The following TEX9 variants were observed in gnomAD, a reference collection of about 807,000 sequenced individuals.
TEX9 encodes the protein testis-expressed protein 9.
Under a neutral mutation model 59.6 loss-of-function variants are expected in TEX9, and 74 were observed. The observed-to-expected ratio is 1.24, with a 90% confidence interval of 1.03 to 1.51. The LOEUF is 1.51. Among genes scored for constraint, TEX9 ranks in the 40% most tolerant of loss-of-function variants. The probability of loss-of-function intolerance (pLI) is 0.00; values close to 1 mark genes in which losing one functional copy is unlikely to be tolerated. For synonymous variants in TEX9, 186 were observed against 152.2 expected, an observed-to-expected ratio of 1.22 and a Z score of -1.64; for missense variants, 522 against 447.8, an observed-to-expected ratio of 1.17 and a Z score of -1.49.
At position 56,309,955 on chromosome 15, in the gene TEX9, G is replaced by C. The variant is rs1596079130; in HGVS notation, c.-106-63486G>C. ...AGGTTGGTCCATGTGAAACCCATCT[G>C]GGTAACTGGCATTTATCAAACTTAG... is the stretch of plus-strand genomic sequence containing the variant. On this transcript the variant is annotated intron_variant, in intron 1 of 5. Coordinates refer to the TEX9 transcript ENST00000560827. Among the ~76,000 whole-genome samples the C allele has an allele frequency of 2.6e-5, 4 of 152,118 alleles. No homozygotes were observed. The South Asian group carries it at 6.2e-4, about 24-fold the overall frequency.
At chr15:56,342,098 T>C (rs1383402772) in intron 1 of TEX9, among the ~76,000 whole-genome samples, 5 of 152,162 alleles carry the variant, frequency 3.3e-5, no homozygotes, top group Admixed American at 3.3e-4. Context: ...AGTTCAGACA[T>C]GACCATCCAA....
At chr15:56,386,675 A>G (rs1397208745) in intron 4 of TEX9, among the ~76,000 whole-genome samples, 2 of 152,008 alleles carry the variant, frequency 1.3e-5, no homozygotes, top group African/African-American at 4.8e-5. Context: ...TGAAAAATAG[A>G]TATTTAAGTT....
chr15:56,393,991 G>A lies in TEX9; in HGVS notation c.572-174G>A, dbSNP rs1161705977. ...TTCTTTCTGTTGAGTGGATTTATTC[G>A]TCATTGACCTTTTCATTAGGACTGT... On this transcript the variant is annotated intron_variant, in intron 7 of 12. Coordinates refer to ENST00000352903, the Ensembl canonical transcript of TEX9. 1.0e-4 allele frequency: 47 copies of A among 460,630 alleles called. No individual in the cohort carries two copies. The Admixed American group carries it at 1.9e-3, about 19-fold the overall frequency. 28.5% of individuals were successfully genotyped at this position (460,630 alleles called of 1,614,324 possible). A position where few individuals can be genotyped will look rare whatever the true frequency, so the allele number is the denominator to read the frequency against.
intron 4 of TEX9, among the ~76,000 whole-genome samples, chr15:56,388,123 G>C (rs17819438): frequency 1.3e-5 from 2 of 151,682 alleles, no homozygotes; most frequent in East Asian, 3.9e-4. Context: ...CAGTAACATT[G>C]AGTGGGCTTA....
At chr15:56,266,849 G>A (rs934858038) in intron 1 of TEX9, among the ~76,000 whole-genome samples, 7 of 152,148 alleles carry the variant, frequency 4.6e-5, no homozygotes, top group Admixed American at 6.5e-5. Flanking sequence ...CCCAGTAATG[G>A]ATGGCTGGGT....
intron 1 of TEX9, among the ~76,000 whole-genome samples, chr15:56,351,153 T>C (rs1234245801): frequency 1.3e-5 from 2 of 152,206 alleles, no homozygotes; most frequent in African/African-American, 4.8e-5. Flanking sequence ...CCCGATTTTG[T>C]GTACCTTTCT....
intron 3 of TEX9, among the ~76,000 whole-genome samples, chr15:56,375,885 G>A (rs1392805874): frequency 1.3e-5 from 2 of 151,250 alleles, no homozygotes; most frequent in Non-Finnish European, 2.9e-5. Flanking sequence ...GGAATACTAT[G>A]CAGCCATAAA....
intron 3 of TEX9, among the ~76,000 whole-genome samples, chr15:56,374,884 A>G (rs939316463): frequency 6.6e-6 from 1 of 152,096 alleles, no homozygotes; most frequent in African/African-American, 2.4e-5. Flanking sequence ...GGGCCTCATT[A>G]TTTTTTATGG....
intron 1 of TEX9, among the ~76,000 whole-genome samples, chr15:56,342,922 A>G (rs1362410697): frequency 6.6e-6 from 1 of 152,158 alleles, no homozygotes; most frequent in Non-Finnish European, 1.5e-5. Context: ...GAGAACATTA[A>G]TCATAGCTCT....
chr15:56,252,652 G>A (rs2141302815), intron 1 of TEX9, among the ~76,000 whole-genome samples: 1 of 152,230 alleles, frequency 6.6e-6, no homozygotes, highest in Non-Finnish European at 1.5e-5. Context: ...AGAGTCTGCT[G>A]CGTGCTTCCT....
At chr15:56,332,888 G>A (rs1299239794) in intron 1 of TEX9, among the ~76,000 whole-genome samples, 1 of 152,060 alleles carries the variant, frequency 6.6e-6, no homozygotes, top group African/African-American at 2.4e-5. Flanking sequence ...ACTACCATGA[G>A]CAACTATATG....
chr15:56,433,679 G>A (rs2050662935), intron 12 of TEX9, among the ~76,000 whole-genome samples: 2 of 151,954 alleles, frequency 1.3e-5, no homozygotes, highest in South Asian at 2.1e-4. Context: ...CACTTGAATC[G>A]TCTTTCAAAG....
intron 1 of TEX9, among the ~76,000 whole-genome samples, chr15:56,276,689 A>C (rs2141428784): frequency 6.6e-6 from 1 of 152,262 alleles, no homozygotes; most frequent in South Asian, 2.1e-4. Flanking sequence ...TTGAGTATAT[A>C]CCCAATAATG....
At chr15:56,354,811 A>C (rs1452718322) in intron 1 of TEX9, among the ~76,000 whole-genome samples, 1 of 152,206 alleles carries the variant, frequency 6.6e-6, no homozygotes, top group Non-Finnish European at 1.5e-5. Context: ...CTTTTAATAA[A>C]GACTGAACAA....
rs566284537 is a variant in TEX9 at position 56,377,030 on chromosome 15, T to C, written c.183+3526T>C. Among the ~76,000 whole-genome samples the C allele has an allele frequency of 2.0e-5, 3 of 152,332 alleles. No homozygotes were observed. The South Asian group carries it at 6.2e-4, about 32-fold the overall frequency. On this transcript the variant is annotated intron_variant, in intron 3 of 12. Transcript: ENST00000352903. Reference sequence around the variant, plus strand: ...AGACTGTCTTTTATCCAGTGTATGTTCTTGGCAACCTTGTCAAAAATGAGT... The same window carrying C: ...AGACTGTCTTTTATCCAGTGTATGTCCTTGGCAACCTTGTCAAAAATGAGT...
At chr15:56,365,969 A>T in intron 2 of TEX9, 2 of 1,026,460 alleles carry the variant, frequency 1.9e-6, no homozygotes, top group Non-Finnish European at 2.5e-6. Context: ...GGGTAGCAGG[A>T]ATTGCCACGA....
chr15:56,297,003 G>T (rs1190093987), intron 1 of TEX9, among the ~76,000 whole-genome samples: 2 of 151,684 alleles, frequency 1.3e-5, no homozygotes, highest in Non-Finnish European at 2.9e-5. Context: ...GATCCCTATT[G>T]GGTTATGTGA....
chr15:56,382,233 G>T (rs2047764644), intron 3 of TEX9, among the ~76,000 whole-genome samples: 1 of 152,130 alleles, frequency 6.6e-6, no homozygotes, highest in Non-Finnish European at 1.5e-5. Flanking sequence ...ATGTTGCCAG[G>T]CCTGGGACTC....
At chr15:56,443,469 G>A in intron 12 of TEX9, 1 of 1,597,578 alleles carries the variant, frequency 6.3e-7, no homozygotes, top group South Asian at 1.2e-5. Flanking sequence ...GTTCTTCCTG[G>A]TATAATTCTT....
Sources: gnomAD v4.1 joint callset for allele counts (sites outside exome capture counted in the v4.1 genomes callset) on GRCh38, gnomAD v4.1.1 for gene constraint, MANE v1.5 for transcripts, NCBI Gene and HGNC (gene_info 2026-07-23, HGNC 2026-07-21) for gene names.